Variants in FLNB observed in about 807,000 individuals in gnomAD.
FLNB encodes filamin B, also known as filamin-B.
Under a neutral mutation model 250.6 loss-of-function variants are expected in FLNB, and 111 were observed. That is an observed-to-expected ratio of 0.44 (90% CI 0.38 to 0.52). The LOEUF is 0.52. Ranked by LOEUF, FLNB falls within the 20% of genes least tolerant of loss-of-function variation. The pLI, the probability that FLNB is intolerant of heterozygous loss-of-function variation, is 0.00. For missense variants in FLNB, 2,869 were observed against 3,447.8 expected (o/e 0.83, Z 4.20); for synonymous variants, 1,302 against 1,372.1 (o/e 0.95, Z 1.13).
Position 58,142,574 on chromosome 3 carries a change from C to A in FLNB, c.5182-76C>A. 1.6e-6 allele frequency: 2 copies of A among 1,257,682 alleles called. No individual in the cohort carries two copies. Among genetic ancestry groups the A allele is most frequent in the Non-Finnish European group, 2.3e-6 (2 of 865,882 alleles). The allele number at this position is 1,257,682 out of a possible 1,614,324, so 77.9% of individuals were successfully genotyped here. ...CCTCACTGGCTTGTAGAATTCCCAGCAGCTCTAACCCCTGTAGCTTCACCA... is the reference window on the plus strand; with the variant it reads ...CCTCACTGGCTTGTAGAATTCCCAGAAGCTCTAACCCCTGTAGCTTCACCA... On this transcript the variant is annotated intron_variant, in intron 30 of 45. Transcript: ENST00000295956. The surrounding 1 kb of genome is among the most constrained non-coding windows in gnomAD (Gnocchi z 4.3).
intron 4 of FLNB, among the ~76,000 whole-genome samples, chr3:58,094,146 C>A (rs1372038365): frequency 6.6e-6 from 1 of 152,244 alleles, no homozygotes; most frequent in African/African-American, 2.4e-5. Context: ...AGGATGCGAT[C>A]TGGGCTCACT....
chr3:58,122,264 G>A (rs1043547105), intron 20 of FLNB, among the ~76,000 whole-genome samples: 21 of 151,956 alleles, frequency 1.4e-4, no homozygotes, highest in Admixed American at 7.9e-4. Flanking sequence ...AGGCCAAGGT[G>A]GATGGATAAC....
At chr3:58,110,386 C>T (rs1016064709) in intron 16 of FLNB, among the ~76,000 whole-genome samples, 1 of 152,150 alleles carries the variant, frequency 6.6e-6, no homozygotes, top group Non-Finnish European at 1.5e-5. Context: ...CCTCAGCCTC[C>T]CAAGTAGCTG....
intron 5 of FLNB, among the ~76,000 whole-genome samples, 200 bp downstream of exon 5, chr3:58,095,154 A>G (rs1431391018): frequency 6.6e-6 from 1 of 152,244 alleles, no homozygotes; most frequent in Non-Finnish European, 1.5e-5. Flanking sequence ...ATTGATTGCC[A>G]GGGACACAGT....
chr3:58,091,723 G>C (rs1478479166), intron 4 of FLNB, among the ~76,000 whole-genome samples: 3 of 152,134 alleles, frequency 2.0e-5, no homozygotes, highest in African/African-American at 4.8e-5. Context: ...GTACATGGTG[G>C]TTGGCCTTTA....
At chr3:58,144,022 G>A (rs1373544760) in intron 32 of FLNB, among the ~76,000 whole-genome samples, 1 of 152,188 alleles carries the variant, frequency 6.6e-6, no homozygotes, top group African/African-American at 2.4e-5. Context: ...AGGACCAGCA[G>A]CCCTCTACAA....
chr3:58,154,333 A>T (rs2097350011), intron 39 of FLNB, among the ~76,000 whole-genome samples: 2 of 151,940 alleles, frequency 1.3e-5, no homozygotes, highest in South Asian at 4.2e-4. Context: ...GCCTGAGCTC[A>T]GGAGTTCAAG....
In FLNB at chr3:58,132,542, A is replaced by G. The variant is rs946688905; in HGVS notation, c.4391-266A>G. The G allele has an allele frequency of 1.5e-5, 8 of 537,152 alleles. No individual in the cohort carries two copies. In the Admixed American group the frequency reaches 1.5e-4, roughly 10 times the overall value. 33.3% of individuals were successfully genotyped at this position (537,152 alleles called of 1,614,324 possible). A position where few individuals can be genotyped will look rare whatever the true frequency, so the allele number is the denominator to read the frequency against. ...ACACCCTCCAGCAGCAAGCACAGGC[A>G]GTCTCCTTAATTATACTCTAGGGCA... On this transcript the variant is annotated intron_variant, in intron 25 of 45. Coordinates refer to ENST00000295956, the MANE Select transcript of FLNB (RefSeq NM_001457.4).
At chr3:58,020,748 G>C (rs6764421) in intron 1 of FLNB, among the ~76,000 whole-genome samples, 1,794 of 151,686 alleles carry the variant, frequency 0.012, 16 homozygotes, top group Middle Eastern at 0.048. Flanking sequence ...CTACTAAAGA[G>C]GTTGGAGTTA....
At chr3:58,055,261 G>C (rs2097168634) in intron 1 of FLNB, among the ~76,000 whole-genome samples, 1 of 142,938 alleles carries the variant, frequency 7.0e-6, no homozygotes, top group African/African-American at 2.6e-5. Context: ...GTGAGATTCT[G>C]TCTCTCAAAA....
At chr3:58,027,594 C>G (rs1281727594) in intron 1 of FLNB, among the ~76,000 whole-genome samples, 1 of 152,182 alleles carries the variant, frequency 6.6e-6, no homozygotes, top group Non-Finnish European at 1.5e-5. Flanking sequence ...GACCCTGGCT[C>G]TTACTCCTAG....
chr3:58,116,529 T>A (rs1559704638), intron 18 of FLNB, among the ~76,000 whole-genome samples: 2 of 152,180 alleles, frequency 1.3e-5, no homozygotes, highest in Admixed American at 1.3e-4. Context: ...AGTCCCTGAG[T>A]GACAGCTTGC....
rs2097342388 is a variant in FLNB at position 58,150,092 on chromosome 3, T to C, written c.6245-13T>C. ...CTCTGGCCTGCTCACAGGAGCCTTC[T>C]TGGGTCTTGCAGGGAGCCCATTTAC... On this transcript the variant is annotated splice_polypyrimidine_tract_variant and intron_variant, in intron 37 of 45. Transcript: ENST00000295956. The C allele has an allele frequency of 6.2e-7, 1 of 1,614,288 alleles. No individual in the cohort carries two copies.
intron 10 of FLNB, among the ~76,000 whole-genome samples, chr3:58,104,828 C>T (rs2097257024): frequency 6.6e-6 from 1 of 152,176 alleles, no homozygotes; most frequent in Non-Finnish European, 1.5e-5. Flanking sequence ...GAGGCTGGTG[C>T]AAAGCAGCGT....
intron 24 of FLNB, among the ~76,000 whole-genome samples, chr3:58,129,311 A>G (rs1303193012): frequency 6.6e-6 from 1 of 152,192 alleles, no homozygotes; most frequent in African/African-American, 2.4e-5. Context: ...GTGTCTGGGC[A>G]TGGAACAGGG....
intron 1 of FLNB, among the ~76,000 whole-genome samples, chr3:58,011,155 T>C (rs970395389): frequency 2.0e-5 from 3 of 152,228 alleles, no homozygotes; most frequent in East Asian, 3.9e-4. Flanking sequence ...CCTCATGATA[T>C]GCCCGCCTCG....
Position 58,120,931 on chromosome 3 carries a change from T to TA in FLNB, c.2864-309dup, listed in dbSNP as rs202093084. Among the ~76,000 whole-genome samples, 1,437 of 152,328 alleles carry TA rather than the reference T, an allele frequency of 9.4e-3. 12 individuals carry two copies. Among genetic ancestry groups the TA allele is most frequent in the Non-Finnish European group, 0.014 (940 of 68,038 alleles). ...GTGAAAGCCATTGGTTAATAATAAA[T>TA]ACCCCATAGGATTGTGGTGAAAATT... On this transcript the variant is annotated intron_variant, in intron 19 of 45. Transcript: ENST00000295956.
intron 1 of FLNB, among the ~76,000 whole-genome samples, chr3:58,032,974 G>A (rs1313194289): frequency 1.3e-5 from 2 of 152,148 alleles, no homozygotes; most frequent in Non-Finnish European, 2.9e-5. Context: ...TCAGGAGGCT[G>A]AGGTGGGAGG....
At position 58,108,597 on chromosome 3, in the gene FLNB, A is replaced by C. The variant is rs2097263492; in HGVS notation, c.2055+26A>C. ...GTAAATTTCAGGGGGCCACCTGTGCAGGTAATTGTCAGGTAACAAGATCTG... is the reference window on the plus strand; with the variant it reads ...GTAAATTTCAGGGGGCCACCTGTGCCGGTAATTGTCAGGTAACAAGATCTG... On this transcript the variant is annotated intron_variant, in intron 13 of 45. Coordinates refer to ENST00000295956, the MANE Select transcript of FLNB (RefSeq NM_001457.4). 3 of 1,458,980 alleles carry C rather than the reference A, an allele frequency of 2.1e-6. No individual in the cohort carries two copies. In the African/African-American group the frequency reaches 4.2e-5, roughly 20 times the overall value. The allele number at this position is 1,458,980 out of a possible 1,614,324, so 90.4% of individuals were successfully genotyped here.
Sources: allele counts gnomAD v4.1 joint callset (sites outside exome capture counted in the v4.1 genomes callset), GRCh38; gene constraint gnomAD v4.1.1; non-coding constraint Gnocchi (gnomAD v3.1); transcripts MANE v1.5; gene names NCBI Gene and HGNC (gene_info 2026-07-23, HGNC 2026-07-21).